XPO7: variants seen among roughly 807,000 people sequenced by gnomAD.
XPO7 encodes exportin 7, also known as exportin-7.
XPO7 carries 21 observed loss-of-function variants against 144.3 expected under a neutral mutation model. That is an observed-to-expected ratio of 0.15 (90% CI 0.10 to 0.21). The LOEUF is 0.21. XPO7 is among the 10% of genes least tolerant of loss of function. The pLI is 1.00. For missense variants in XPO7, 808 were observed against 1,325.8 expected, an observed-to-expected ratio of 0.61 and a Z score of 6.06; for synonymous variants, 580 against 499.6, an observed-to-expected ratio of 1.16 and a Z score of -2.15.
chr8:21,967,522 G>A (rs927706784), intron 2 of XPO7, among the ~76,000 whole-genome samples: 2 of 151,968 alleles, frequency 1.3e-5, no homozygotes, highest in Non-Finnish European at 2.9e-5. Context: ...TAGTAGAGAC[G>A]GGGTTTCTCC....
At position 21,987,201 on chromosome 8, in the gene XPO7, A is replaced by G; in HGVS notation, c.1638A>G (p.Leu546=). 1.2e-6 allele frequency: 2 copies of G among 1,614,032 alleles called. No homozygotes were observed. The highest frequency in any genetic ancestry group is 1.7e-6 in the Non-Finnish European group (2 of 1,179,882). The part of the protein sequence containing the change: ...SRLAQAGNEK[L]ELAMLSFFEQ... ...TGGCCCAGGCGGGTAATGAGAAGCTAGAGTTGGCCATGCTGAGCTTTTTTG... is the reference window on the plus strand; with the variant it reads ...TGGCCCAGGCGGGTAATGAGAAGCTGGAGTTGGCCATGCTGAGCTTTTTTG... Residue 546 remains leucine, a synonymous_variant, in exon 14 of 28, where the codon CTA becomes CTG. Coordinates refer to ENST00000252512, the MANE Select transcript of XPO7 (RefSeq NM_015024.5).
intron 8 of XPO7, among the ~76,000 whole-genome samples, chr8:21,979,662 C>T (rs913835709): frequency 8.5e-5 from 13 of 152,220 alleles, no homozygotes; most frequent in African/African-American, 2.9e-4. Context: ...CTGCCTCAGC[C>T]TCCCAGAGTG....
intron 13 of XPO7, among the ~76,000 whole-genome samples, chr8:21,986,257 G>A (rs572144087): frequency 2.0e-5 from 3 of 151,538 alleles, no homozygotes; most frequent in Non-Finnish European, 4.4e-5. Flanking sequence ...GGGTTCAAGC[G>A]ATTCTCCTGC....
At chr8:21,973,840 A>T (rs920538574) in intron 5 of XPO7, among the ~76,000 whole-genome samples, 4 of 152,230 alleles carry the variant, frequency 2.6e-5, no homozygotes, top group African/African-American at 7.2e-5. Flanking sequence ...CAAAAACATA[A>T]ATTTAGCTGA....
intron 24 of XPO7, 35 bp downstream of exon 24, chr8:21,999,709 T>C: frequency 1.2e-6 from 2 of 1,612,546 alleles, no homozygotes; most frequent in Non-Finnish European, 1.7e-6. Flanking sequence ...AGTTGGTGGG[T>C]TTGTTTTTTA....
At chr8:21,964,920 C>A (rs1398838168) in intron 1 of XPO7, among the ~76,000 whole-genome samples, 1 of 152,170 alleles carries the variant, frequency 6.6e-6, no homozygotes. Flanking sequence ...ACTGATTGAT[C>A]AGACTTTAAG....
intron 12 of XPO7, 97 bp downstream of exon 12, chr8:21,984,936 G>C: frequency 1.5e-6 from 2 of 1,327,052 alleles, no homozygotes; most frequent in Non-Finnish European, 2.1e-6. Flanking sequence ...CCCTGCAAAA[G>C]GATTCTTTCA....
chr8:21,991,145 T>C (rs952000198), intron 18 of XPO7, among the ~76,000 whole-genome samples: 1 of 152,242 alleles, frequency 6.6e-6, no homozygotes, highest in African/African-American at 2.4e-5. Context: ...TGATACGCAG[T>C]GGCTTTAAAA....
At chr8:21,992,260 C>G (rs1355040374) in intron 19 of XPO7, among the ~76,000 whole-genome samples, 2 of 151,948 alleles carry the variant, frequency 1.3e-5, no homozygotes, top group African/African-American at 4.8e-5. Context: ...TCGGTTTTAT[C>G]TTTAATTGCA....
chr8:21,981,602 T>C, intron 9 of XPO7, 129 bp from the exon 10 acceptor site: 1 of 1,144,818 alleles, frequency 8.7e-7, no homozygotes, highest in South Asian at 1.6e-5. Flanking sequence ...TCATTCTGAA[T>C]CATGACCTGC....
chr8:21,980,638 G>A lies in XPO7; in HGVS notation c.957+435G>A, dbSNP rs192006644. 2.4e-3 allele frequency among the ~76,000 whole-genome samples: 372 copies of A among 152,234 alleles called. 1 individual carries two copies. The highest frequency in any genetic ancestry group is 8.6e-3 in the African/African-American group (359 of 41,538). On this transcript the variant is annotated intron_variant, in intron 9 of 27. Coordinates refer to ENST00000252512, the MANE Select transcript of XPO7 (RefSeq NM_015024.5). ...ACTACAAAAAAAATTAGCCGGCCAT[G>A]GTGGCACGTGCCTGTAATCCCAGCT...
At chr8:21,932,784 GGCTA>G (rs1400486632) in intron 1 of XPO7, among the ~76,000 whole-genome samples, 1 of 152,106 alleles carries the variant, frequency 6.6e-6, no homozygotes, top group Non-Finnish European at 1.5e-5. Context: ...ATAGTCTAGC[GGCTA>G]GTCGTCAACT....
intron 1 of XPO7, among the ~76,000 whole-genome samples, chr8:21,954,462 C>G (rs1039630152): frequency 3.3e-5 from 5 of 152,044 alleles, no homozygotes; most frequent in African/African-American, 1.2e-4. Context: ...GGTGAAACCC[C>G]ATCTCTACTA....
intron 1 of XPO7, chr8:21,966,264 A>G (rs775871749): frequency 7.7e-6 from 6 of 779,854 alleles, no homozygotes; most frequent in Admixed American, 6.8e-5. Flanking sequence ...TTTAAAGTGC[A>G]ACAGAAGAGA....
chr8:21,929,778 T>TC (rs1268591136), intron 1 of XPO7, among the ~76,000 whole-genome samples: 2 of 152,202 alleles, frequency 1.3e-5, no homozygotes, highest in Admixed American at 1.3e-4. Context: ...GTTTTTTTTT[T>TC]CCCACTGTAA....
At chr8:21,969,368 A>C in intron 2 of XPO7, 115 bp from the exon 3 acceptor site, 1 of 856,680 alleles carries the variant, frequency 1.2e-6, no homozygotes, top group Non-Finnish European at 1.8e-6. Context: ...CAGAGGATCA[A>C]ATCTGCCAAA....
chr8:21,947,492 C>T (rs772934528), intron 1 of XPO7, among the ~76,000 whole-genome samples: 33 of 151,994 alleles, frequency 2.2e-4, no homozygotes, highest in Non-Finnish European at 3.8e-4. Context: ...AAAATAATAC[C>T]GTAGAGGAAA....
At chr8:21,983,651 G>A (rs184324418) in intron 11 of XPO7, among the ~76,000 whole-genome samples, 1 of 152,274 alleles carries the variant, frequency 6.6e-6, no homozygotes, top group African/African-American at 2.4e-5. Context: ...GCATTGTTGG[G>A]GAGTGGTTAC....
chr8:21,928,994 T>C (rs1268278867), intron 1 of XPO7, among the ~76,000 whole-genome samples: 2 of 152,210 alleles, frequency 1.3e-5, no homozygotes, highest in Non-Finnish European at 2.9e-5. Flanking sequence ...TCTTTGGTGA[T>C]GTGTCCCTTC....
Sources: gnomAD v4.1 joint callset for allele counts (sites outside exome capture counted in the v4.1 genomes callset) on GRCh38, gnomAD v4.1.1 for gene constraint, MANE v1.5 for transcripts, NCBI Gene and HGNC (gene_info 2026-07-23, HGNC 2026-07-21) for gene names.